Variants in RXFP1 observed in about 807,000 individuals in gnomAD.
The protein encoded by RXFP1 is relaxin family peptide receptor 1, also known as relaxin receptor 1.
Under a neutral mutation model 89.8 loss-of-function variants are expected in RXFP1, and 73 were observed. The observed-to-expected ratio is 0.81, with a 90% CI of 0.67 to 0.99. RXFP1 has a LOEUF of 0.99. Ranked by LOEUF, RXFP1 falls within the 50% of genes least tolerant of loss-of-function variation. RXFP1 has a pLI of 0.00. For missense variants in RXFP1, 793 were observed against 895.5 expected, an observed-to-expected ratio of 0.89 and a Z score of 1.46; for synonymous variants, 277 against 305.5, an observed-to-expected ratio of 0.91 and a Z score of 0.97.
intron 1 of RXFP1, among the ~76,000 whole-genome samples, chr4:158,548,263 G>A (rs1198451930): frequency 6.6e-6 from 1 of 152,130 alleles, no homozygotes; most frequent in African/African-American, 2.4e-5. Context: ...TCAGAGACTA[G>A]GATTGCAACC....
intron 13 of RXFP1, among the ~76,000 whole-genome samples, chr4:158,638,396 A>G (rs1158936896): frequency 1.3e-5 from 2 of 152,136 alleles, no homozygotes; most frequent in African/African-American, 4.8e-5. Flanking sequence ...GTATTTTATA[A>G]TTTATTATAA....
intron 2 of RXFP1, among the ~76,000 whole-genome samples, chr4:158,573,710 G>C (rs1755630391): frequency 6.6e-6 from 1 of 152,016 alleles, no homozygotes; most frequent in Non-Finnish European, 1.5e-5. Flanking sequence ...TTTGAACCTG[G>C]GTATGACGAT....
intron 10 of RXFP1, among the ~76,000 whole-genome samples, chr4:158,628,230 C>T (rs531341003): frequency 1.5e-4 from 23 of 152,062 alleles, no homozygotes; most frequent in Non-Finnish European, 3.1e-4. Flanking sequence ...CAGATCCGCC[C>T]GAAATCACAT....
In RXFP1 at chr4:158,646,877, C is replaced by T; in HGVS notation, c.1432C>T (p.Leu478=). 1 of 1,614,134 alleles carries T rather than the reference C, an allele frequency of 6.2e-7. No individual in the cohort carries two copies. The highest frequency in any genetic ancestry group is 8.5e-7 in the Non-Finnish European group (1 of 1,179,986). ...TGGAGAATACAATAAGCATGCGCAGCTGTGGATGGAGAGTACTCATTGTCA... is the reference window on the plus strand; with the variant it reads ...TGGAGAATACAATAAGCATGCGCAGTTGTGGATGGAGAGTACTCATTGTCA... ...FRGEYNKHAQ[L]WMESTHCQLV... The change falls in exon 16 of 18, where the codon CTG becomes TTG. Residue 478 remains leucine (L), a synonymous_variant. Transcript: ENST00000307765.
At chr4:158,651,726 A>T in intron 17 of RXFP1, 31 bp from the exon 18 acceptor site, 2 of 1,535,216 alleles carry the variant, frequency 1.3e-6, no homozygotes, top group Non-Finnish European at 1.8e-6. Flanking sequence ...ACATCTATAA[A>T]CACTAAAACT....
At chr4:158,552,023 A>G (rs1750261408) in intron 1 of RXFP1, among the ~76,000 whole-genome samples, 1 of 152,238 alleles carries the variant, frequency 6.6e-6, no homozygotes, top group African/African-American at 2.4e-5. Flanking sequence ...CCAGTTGGGG[A>G]CACTTTGACA....
chr4:158,568,564 C>T (rs1754325944), intron 1 of RXFP1, among the ~76,000 whole-genome samples: 1 of 152,196 alleles, frequency 6.6e-6, no homozygotes, highest in South Asian at 2.1e-4. Context: ...TATTTGTATG[C>T]TTGAGATCTC....
intron 8 of RXFP1, among the ~76,000 whole-genome samples, chr4:158,614,201 A>T (rs1764086943): frequency 6.6e-6 from 1 of 152,230 alleles, no homozygotes; most frequent in African/African-American, 2.4e-5. Flanking sequence ...GTAATTCTTG[A>T]GGGCCCTAGG....
At chr4:158,601,125 A>G (rs985127505) in intron 4 of RXFP1, among the ~76,000 whole-genome samples, 1 of 152,012 alleles carries the variant, frequency 6.6e-6, no homozygotes, top group African/African-American at 2.4e-5. Flanking sequence ...TTCCCATTCA[A>G]TTTTAAAAAT....
intron 1 of RXFP1, among the ~76,000 whole-genome samples, chr4:158,565,669 C>A (rs928915145): frequency 6.6e-6 from 1 of 152,150 alleles, no homozygotes; most frequent in Non-Finnish European, 1.5e-5. Context: ...AGACAACTTG[C>A]ACATCAGAAT....
chr4:158,524,693 G>A (rs1304162480), intron 1 of RXFP1, among the ~76,000 whole-genome samples: 1 of 152,036 alleles, frequency 6.6e-6, no homozygotes, highest in African/African-American at 2.4e-5. Context: ...AAGGTGTATG[G>A]GACCTCTCTA....
At chr4:158,523,092 C>G (rs1484238763) in intron 1 of RXFP1, among the ~76,000 whole-genome samples, 1 of 152,124 alleles carries the variant, frequency 6.6e-6, no homozygotes, top group African/African-American at 2.4e-5. Flanking sequence ...ATATTCTAGT[C>G]CTAGCCTTCT....
intron 2 of RXFP1, 162 bp downstream of exon 2, chr4:158,572,997 CTCTTT>C (rs1444221513): frequency 5.5e-6 from 6 of 1,097,330 alleles, no homozygotes; most frequent in African/African-American, 1.6e-5. Flanking sequence ...AAAATATCCA[CTCTTT>C]TCTTTTCTTG....
chr4:158,595,013 G>A (rs571461895), intron 3 of RXFP1, among the ~76,000 whole-genome samples: 46 of 152,072 alleles, frequency 3.0e-4, no homozygotes, highest in East Asian at 7.7e-4. Flanking sequence ...GTCTTTAGTC[G>A]TAGATATAAG....
chr4:158,566,691 A>C (rs1327228133), intron 1 of RXFP1, among the ~76,000 whole-genome samples: 1 of 152,242 alleles, frequency 6.6e-6, no homozygotes, highest in East Asian at 1.9e-4. Context: ...ATATCACTTT[A>C]AAATATTTAA....
chr4:158,523,397 C>A (rs1465470391), intron 1 of RXFP1, among the ~76,000 whole-genome samples: 1 of 152,164 alleles, frequency 6.6e-6, no homozygotes, highest in Admixed American at 6.6e-5. Context: ...TGGGAAGCAA[C>A]TTTGGCCACT....
intron 1 of RXFP1, among the ~76,000 whole-genome samples, chr4:158,522,814 C>T (rs1156597623): frequency 2.0e-5 from 3 of 152,046 alleles, no homozygotes; most frequent in East Asian, 3.9e-4. Context: ...TTTATGATTC[C>T]GGGAATGTGG....
intron 14 of RXFP1, among the ~76,000 whole-genome samples, chr4:158,644,046 T>C (rs1246040749): frequency 9.7e-5 from 14 of 144,040 alleles, no homozygotes; most frequent in Admixed American, 4.8e-4. Context: ...GTCTTCTTTT[T>C]TTTTTTTTTT....
At chr4:158,554,403 A>G (rs1252698133) in intron 1 of RXFP1, among the ~76,000 whole-genome samples, 5 of 152,222 alleles carry the variant, frequency 3.3e-5, no homozygotes, top group Admixed American at 1.3e-4. Flanking sequence ...CCCAAAGACG[A>G]CCACTGCTAG....
Sources: gnomAD v4.1 joint callset for allele counts (sites outside exome capture counted in the v4.1 genomes callset) on GRCh38, gnomAD v4.1.1 for gene constraint, MANE v1.5 for transcripts, NCBI Gene and HGNC (gene_info 2026-07-23, HGNC 2026-07-21) for gene names.